AZIN2: variants seen among roughly 807,000 people sequenced by gnomAD.
AZIN2 encodes ODC antizyme inhibitor-2.
A neutral mutation model predicts 47.8 loss-of-function variants in AZIN2; 28 were observed. The observed-to-expected ratio is 0.59, with a 90% confidence interval of 0.43 to 0.80. The LOEUF (loss-of-function observed/expected upper bound fraction) is 0.80, where lower values mean the gene tolerates loss of function less well. AZIN2 is among the 30% of genes least tolerant of loss of function. AZIN2 has a pLI of 0.00. For synonymous variants in AZIN2, 221 were observed against 239.4 expected (o/e 0.92, Z 0.71); for missense variants, 535 against 582.5 (o/e 0.92, Z 0.84).
chr1:33,105,938 T>C (rs748994151), intron 10 of AZIN2, among the ~76,000 whole-genome samples: 10 of 152,230 alleles, frequency 6.6e-5, no homozygotes, highest in Non-Finnish European at 1.5e-4. Context: ...GCTTTCTTAC[T>C]TGCTGTTCCA....
the AZIN2 span, chr1:33,165,756 G>C: frequency 9.4e-6 from 4 of 427,078 alleles, no homozygotes; most frequent in Non-Finnish European, 1.7e-5. The surrounding 1 kb of genome is among the most constrained non-coding windows in gnomAD (Gnocchi z 4.0). Context: ...GAACCCGTCC[G>C]TATCTTTCAC....
At chr1:33,099,362 C>T (rs927031620) in intron 10 of AZIN2, among the ~76,000 whole-genome samples, 2 of 152,124 alleles carry the variant, frequency 1.3e-5, no homozygotes, top group Admixed American at 6.5e-5. Context: ...GTTACATCTG[C>T]TGGTCAGAGT....
chr1:33,094,706 T>G lies in AZIN2; in HGVS notation c.746T>G (p.Phe249Cys), dbSNP rs766344848. 6.2e-6 allele frequency: 10 copies of G among 1,614,114 alleles called. No individual in the cohort carries two copies. Among genetic ancestry groups the G allele is most frequent in the African/African-American group, 2.7e-5 (2 of 75,040 alleles). ...GGCACAGAAGGGGCCAAAGTGAGAT[T>G]TGAAGAGGTAACCCTGGAGCTGGGA... Reference protein sequence around the residue: ...FPGTEGAKVRFEEIASVINSA... With the variant: ...FPGTEGAKVRCEEIASVINSA... The change falls in exon 8 of 12, where the codon TTT becomes TGT. Residue 249 changes from phenylalanine (F) to cysteine (C), a missense_variant. Physicochemically the swap from Phe to Cys is radical, Grantham distance 205. Coordinates refer to ENST00000294517, the MANE Select transcript of AZIN2 (RefSeq NM_052998.4).
chr1:33,120,374 A>G lies in AZIN2; in HGVS notation c.*192A>G. 3 of 769,922 alleles carry G rather than the reference A, an allele frequency of 3.9e-6. No individual in the cohort carries two copies. The highest frequency in any genetic ancestry group is 4.0e-6 in the Non-Finnish European group (2 of 498,748). The allele number at this position is 769,922 out of a possible 1,614,324, so 47.7% of individuals were successfully genotyped here. A position where few individuals can be genotyped will look rare whatever the true frequency, so the allele number is the denominator to read the frequency against. ...ACACTCGCTGTAGTTCAAGTATGCAACATAAATCCTGTTCCTTCCAGCTGT... is the reference window on the plus strand; with the variant it reads ...ACACTCGCTGTAGTTCAAGTATGCAGCATAAATCCTGTTCCTTCCAGCTGT... On this transcript the variant is annotated 3_prime_UTR_variant, in exon 12 of 12. Transcript: ENST00000294517.
intron 10 of AZIN2, among the ~76,000 whole-genome samples, chr1:33,116,662 G>C (rs529024058): frequency 6.6e-6 from 1 of 152,354 alleles, no homozygotes; most frequent in East Asian, 1.9e-4. Context: ...AGGGAAGACA[G>C]GCCTGAGCAG....
rs368441266 is a variant in AZIN2 at position 33,122,799 on chromosome 1, C to T, written c.*2617C>T. On this transcript the variant is annotated 3_prime_UTR_variant, in exon 12 of 12. Transcript: ENST00000294517. ...CCTGTGCCTCCTGAAGCCCCTCCTG[C>T]GCGCACACTCACTCTCTCTCATTCT... Among the ~76,000 whole-genome samples the T allele has an allele frequency of 6.6e-5, 10 of 152,258 alleles. No homozygotes were observed. The highest frequency in any genetic ancestry group is 1.2e-4 in the African/African-American group (5 of 41,516).
chr1:33,161,887 C>T, the AZIN2 span, among the ~76,000 whole-genome samples: 5 of 152,154 alleles, frequency 3.3e-5, no homozygotes, highest in Admixed American at 6.5e-5. This position sits in a 1 kb window ranked among gnomAD's most constrained non-coding sequence, Gnocchi z 4.3. Flanking sequence ...CCATGTTCCT[C>T]GGGGCTCATC....
At chr1:33,138,556 G>A in the AZIN2 span, among the ~76,000 whole-genome samples, 3 of 150,536 alleles carry the variant, frequency 2.0e-5, no homozygotes, top group Non-Finnish European at 4.4e-5. Flanking sequence ...GGAGGCTGAG[G>A]CACTGTGATC....
At chr1:33,119,896 G>A (rs1054298503) in intron 11 of AZIN2, 148 bp from the exon 12 acceptor site, 2 of 1,042,066 alleles carry the variant, frequency 1.9e-6, no homozygotes, top group African/African-American at 1.6e-5. Flanking sequence ...GAAGCAGTTG[G>A]GGAGGGGTCA....
the AZIN2 span, among the ~76,000 whole-genome samples, chr1:33,150,062 T>G: frequency 6.6e-6 from 1 of 152,230 alleles, no homozygotes; most frequent in African/African-American, 2.4e-5. Context: ...TGTTAAGACC[T>G]CTGTTTACTC....
chr1:33,115,873 G>A (rs745921703), intron 10 of AZIN2, among the ~76,000 whole-genome samples: 11 of 152,124 alleles, frequency 7.2e-5, no homozygotes, highest in Middle Eastern at 3.2e-3. Flanking sequence ...TACCATGGAA[G>A]AATCTTTAAA....
the AZIN2 span, among the ~76,000 whole-genome samples, chr1:33,134,149 T>C: frequency 6.6e-6 from 1 of 152,242 alleles, no homozygotes; most frequent in Non-Finnish European, 1.5e-5. Flanking sequence ...GGGCCAGGCA[T>C]GTGGCCCAGC....
intron 4 of AZIN2, chr1:33,082,872 T>C (rs879386209): frequency 6.4e-6 from 1 of 155,378 alleles, no homozygotes; most frequent in Admixed American, 6.2e-5. Context: ...CAGTATATAT[T>C]ATGCTCCTTC....
the AZIN2 span, chr1:33,165,491 G>A: frequency 3.7e-6 from 6 of 1,607,266 alleles, no homozygotes; most frequent in South Asian, 5.6e-5. The surrounding 1 kb of genome is among the most constrained non-coding windows in gnomAD (Gnocchi z 4.0). Context: ...GCCAGTTGTC[G>A]CTTGAGCAGC....
chr1:33,160,692 A>G, the AZIN2 span, among the ~76,000 whole-genome samples: 1 of 152,210 alleles, frequency 6.6e-6, no homozygotes, highest in Admixed American at 6.5e-5. Flanking sequence ...GGCGTGAGCC[A>G]TCGTGCCCGG....
At chr1:33,108,187 A>C (rs1342521139) in intron 10 of AZIN2, among the ~76,000 whole-genome samples, 1 of 152,214 alleles carries the variant, frequency 6.6e-6, no homozygotes, top group African/African-American at 2.4e-5. Flanking sequence ...ATTTACGGTC[A>C]ATTGATCTTC....
the AZIN2 span, among the ~76,000 whole-genome samples, chr1:33,156,737 G>A: frequency 1.3e-5 from 2 of 152,140 alleles, no homozygotes; most frequent in Non-Finnish European, 2.9e-5. Flanking sequence ...CATCCCTACT[G>A]CCTTTTCAGC....
chr1:33,130,584 AG>A, the AZIN2 span, among the ~76,000 whole-genome samples: 1 of 152,360 alleles, frequency 6.6e-6, no homozygotes, highest in Non-Finnish European at 1.5e-5. Context: ...GAATGACTGC[AG>A]CCCCAGCCAA....
intron 10 of AZIN2, among the ~76,000 whole-genome samples, chr1:33,114,640 A>G (rs1234596495): frequency 7.3e-6 from 1 of 136,140 alleles, no homozygotes; most frequent in African/African-American, 2.8e-5. Context: ...GGCATGAGCC[A>G]CCGCGACCCG....
Sources: allele counts gnomAD v4.1 joint callset (sites outside exome capture counted in the v4.1 genomes callset), GRCh38; gene constraint gnomAD v4.1.1; non-coding constraint Gnocchi (gnomAD v3.1); transcripts MANE v1.5; gene names NCBI Gene and HGNC (gene_info 2026-07-23, HGNC 2026-07-21).